The following TRMT2B variants were observed in gnomAD, a reference collection of about 807,000 sequenced individuals.
The protein encoded by TRMT2B is tRNA (uracil-5-)-methyltransferase homolog B.
A neutral mutation model predicts 39.7 loss-of-function variants in TRMT2B; 34 were observed. The ratio of observed to expected loss-of-function variants is 0.86; its 90% confidence interval spans 0.65 to 1.14. TRMT2B has a LOEUF of 1.14. Among genes scored for constraint, TRMT2B ranks in the 50% most tolerant of loss-of-function variants. The pLI is 0.00. For synonymous variants in TRMT2B, 132 were observed against 137.3 expected, an observed-to-expected ratio of 0.96 and a Z score of 0.27; for missense variants, 318 against 377.2, an observed-to-expected ratio of 0.84 and a Z score of 1.30.
chrX:101,019,772 A>C (rs2086704925), intron 11 of TRMT2B, among the ~76,000 whole-genome samples: 1 of 108,598 alleles, frequency 9.2e-6, no homozygotes, highest in Admixed American at 1.0e-4. Context: ...AGCTTGGATT[A>C]CAGGCGCCTG....
At chrX:101,000,988 C>T in the TRMT2B span, among the ~76,000 whole-genome samples, 1 of 110,956 alleles carries the variant, frequency 9.0e-6, no homozygotes, top group Non-Finnish European at 1.9e-5. Context: ...ATTAGATTGC[C>T]CTAGCCCCAG....
At chrX:101,023,717 ATTCC>A (rs2086909180) in intron 7 of TRMT2B, 101 bp from the exon 8 acceptor site, 2 of 882,690 alleles carry the variant, frequency 2.3e-6, no homozygotes, top group Admixed American at 6.0e-5. Context: ...TCCCCCAAAA[ATTCC>A]TATGTTGAAG....
chrX:101,016,642 G>GTTTTT (rs397827366), intron 13 of TRMT2B, among the ~76,000 whole-genome samples: 5 of 57,616 alleles, frequency 8.7e-5, no homozygotes, highest in African/African-American at 2.2e-4. Flanking sequence ...AATTTTCGTG[G>GTTTTT]TTTTTTTTTT....
rs150227060 is a variant in TRMT2B at position 101,051,716 on chromosome X, G to A, written c.-489C>T. ...CCATTCCCCGCCCCGCGGACAGTTT[G>A]GCATAGTAGGGAGTTTTCTGTAAAG... On this transcript the variant is annotated 5_prime_UTR_variant, in exon 2 of 14. Coordinates refer to ENST00000372936, the MANE Select transcript of TRMT2B (RefSeq NM_024917.6). The A allele has an allele frequency of 1.4e-4, 106 of 752,603 alleles. 2 individuals are homozygous for A. In the East Asian group the frequency reaches 0.014, roughly 100 times the overall value. 62.0% of individuals were successfully genotyped at this position (752,603 alleles called of 1,213,427 possible). A position where few individuals can be genotyped will look rare whatever the true frequency, so the allele number is the denominator to read the frequency against.
In TRMT2B at chrX:101,037,086, G is replaced by A; in HGVS notation, c.439-13C>T. 1.7e-6 allele frequency: 2 copies of A among 1,155,268 alleles called. No homozygotes were observed. The highest frequency in any genetic ancestry group is 2.4e-6 in the Non-Finnish European group (2 of 844,117). Reference sequence around the variant, plus strand: ...CATTGATGACAGGCTGGAGAGGGCAGAAGGACAGGAGGGGGATGAGAGGTC... The same window carrying A: ...CATTGATGACAGGCTGGAGAGGGCAAAAGGACAGGAGGGGGATGAGAGGTC... On this transcript the variant is annotated splice_polypyrimidine_tract_variant and intron_variant, in intron 5 of 13. Coordinates refer to ENST00000372936, the MANE Select transcript of TRMT2B (RefSeq NM_024917.6).
the TRMT2B span, among the ~76,000 whole-genome samples, chrX:100,976,768 T>C: frequency 8.9e-6 from 1 of 112,077 alleles, no homozygotes; most frequent in Non-Finnish European, 1.9e-5. Context: ...TGTGCTAACT[T>C]TTTGTATTTA....
chrX:100,985,701 G>A, the TRMT2B span: 36 of 1,208,293 alleles, frequency 3.0e-5, no homozygotes, highest in African/African-American at 7.0e-5. Context: ...GCATGAAATC[G>A]GAACTGACTA....
In TRMT2B at chrX:101,030,451, A is replaced by ATTTTTTTTTTTTTTT. The variant is rs1248355991; in HGVS notation, c.609+5161_609+5162insAAAAAAAAAAAAAAA. Among the ~76,000 whole-genome samples, 25 of 46,535 alleles carry ATTTTTTTTTTTTTTT rather than the reference A, an allele frequency of 5.4e-4. 1 individual carries two copies. The highest frequency in any genetic ancestry group is 1.0e-3 in the African/African-American group (6 of 5,986). The allele number at this position is 46,535 out of a possible 115,157, so 40.4% of individuals were successfully genotyped here. A position where few individuals can be genotyped will look rare whatever the true frequency, so the allele number is the denominator to read the frequency against. ...GCAGGAAAAGCCTATATAGATCTGC[A>ATTTTTTTTTTTTTTT]TTCTTTTTTTTTTTTTTCAGATGGA... On this transcript the variant is annotated intron_variant, in intron 7 of 13. Transcript: ENST00000372936.
chrX:101,000,919 T>C, the TRMT2B span, among the ~76,000 whole-genome samples: 1 of 111,964 alleles, frequency 8.9e-6, no homozygotes, highest in Non-Finnish European at 1.9e-5. Context: ...GAATAGTTGC[T>C]CTGAACCAGT....
chrX:101,038,371 C>CAAAAAAAA (rs57481304), intron 4 of TRMT2B, among the ~76,000 whole-genome samples: 146 of 35,047 alleles, frequency 4.2e-3, no homozygotes, highest in African/African-American at 5.1e-3. Flanking sequence ...AACTCCGTCT[C>CAAAAAAAA]AAAAAAAAAA....
At chrX:100,995,239 C>T in the TRMT2B span, among the ~76,000 whole-genome samples, 3 of 111,385 alleles carry the variant, frequency 2.7e-5, no homozygotes, top group African/African-American at 6.5e-5. Context: ...ATACTGAAAC[C>T]ATCCCCTCAT....
the TRMT2B span, among the ~76,000 whole-genome samples, chrX:100,976,649 G>A: frequency 3.6e-5 from 4 of 112,340 alleles, no homozygotes; most frequent in Admixed American, 1.9e-4. Flanking sequence ...TTTCACTCTT[G>A]TTGCCCAAGC....
intron 6 of TRMT2B, 82 bp from the exon 7 acceptor site, chrX:101,035,765 C>T (rs770164105): frequency 1.2e-5 from 10 of 839,344 alleles, no homozygotes; most frequent in South Asian, 6.4e-5. Context: ...AAATTTCTAT[C>T]GTCAAAGTGG....
At chrX:101,045,249 G>C (rs1232545870) in intron 2 of TRMT2B, among the ~76,000 whole-genome samples, 2 of 109,449 alleles carry the variant, frequency 1.8e-5, no homozygotes, top group Non-Finnish European at 3.8e-5. Flanking sequence ...GAGGTCGGGA[G>C]TTCAAGACCA....
the TRMT2B span, among the ~76,000 whole-genome samples, chrX:100,976,975 T>C: frequency 8.9e-6 from 1 of 112,826 alleles, no homozygotes; most frequent in Non-Finnish European, 1.9e-5. Context: ...CTGTGAACAC[T>C]TGAAGACACT....
At chrX:101,030,611 C>T (rs2087400563) in intron 7 of TRMT2B, among the ~76,000 whole-genome samples, 1 of 108,882 alleles carries the variant, frequency 9.2e-6, no homozygotes, top group Admixed American at 1.0e-4. Context: ...CTGTGCCTGG[C>T]TAATTTTTGT....
chrX:100,983,508 C>G, the TRMT2B span, among the ~76,000 whole-genome samples: 1 of 110,211 alleles, frequency 9.1e-6, no homozygotes, highest in Non-Finnish European at 1.9e-5. Flanking sequence ...AGGTGCCCGC[C>G]ACCACGCCTG....
At chrX:100,990,676 A>C in the TRMT2B span, 1 of 959,121 alleles carries the variant, frequency 1.0e-6, no homozygotes, top group Admixed American at 2.7e-5. Context: ...TTGTACCGAG[A>C]TGCTGCTGAC....
intron 13 of TRMT2B, among the ~76,000 whole-genome samples, chrX:101,016,950 G>A (rs1468579531): frequency 2.7e-5 from 3 of 111,405 alleles, no homozygotes; most frequent in Admixed American, 9.6e-5. Context: ...CAAGGTGGGC[G>A]GGTCACGAGG....
Sources: allele counts gnomAD v4.1 joint callset (sites outside exome capture counted in the v4.1 genomes callset), GRCh38; gene constraint gnomAD v4.1.1; transcripts MANE v1.5; gene names NCBI Gene and HGNC (gene_info 2026-07-23, HGNC 2026-07-21).